Variants in SEMA5A observed in about 807,000 individuals in gnomAD.
SEMA5A encodes semaphorin 5A.
A neutral mutation model predicts 135.5 loss-of-function variants in SEMA5A; 55 were observed. The ratio of observed to expected loss-of-function variants is 0.41; its 90% confidence interval spans 0.33 to 0.51. The LOEUF is 0.51. Ranked by LOEUF, SEMA5A falls within the 20% of genes least tolerant of loss-of-function variation. The pLI is 0.37. For synonymous variants in SEMA5A, 580 were observed against 546.5 expected, an observed-to-expected ratio of 1.06 and a Z score of -0.85; for missense variants, 1,290 against 1,419.9, an observed-to-expected ratio of 0.91 and a Z score of 1.47.
intron 11 of SEMA5A, among the ~76,000 whole-genome samples, chr5:9,176,517 A>C (rs1744213721): frequency 6.6e-6 from 1 of 152,244 alleles, no homozygotes; most frequent in South Asian, 2.1e-4. Context: ...ATTGTGAGCT[A>C]ATAAGTGTAT....
chr5:9,262,601 A>G (rs1335357988), intron 5 of SEMA5A, among the ~76,000 whole-genome samples: 1 of 26,784 alleles, frequency 3.7e-5, no homozygotes, highest in South Asian at 1.3e-3. Flanking sequence ...TTGTAGGGAC[A>G]TGGATGAAAC....
chr5:9,148,572 T>C, intron 12 of SEMA5A, among the ~76,000 whole-genome samples: 1 of 152,232 alleles, frequency 6.6e-6, no homozygotes, highest in East Asian at 1.9e-4. Context: ...TTCCAGGTTC[T>C]GATGAGGTGT....
chr5:9,524,501 C>T (rs866965033), intron 1 of SEMA5A, among the ~76,000 whole-genome samples: 8 of 152,156 alleles, frequency 5.3e-5, no homozygotes, highest in African/African-American at 1.7e-4. Context: ...CCAGCAATTA[C>T]AGGAAGCTGA....
chr5:9,132,094 C>A (rs1270353690), intron 13 of SEMA5A, among the ~76,000 whole-genome samples: 1 of 152,186 alleles, frequency 6.6e-6, no homozygotes, highest in African/African-American at 2.4e-5. Flanking sequence ...ATTTTATAAG[C>A]AAACAGAACA....
At chr5:9,480,491 T>A (rs1401975757) in intron 1 of SEMA5A, among the ~76,000 whole-genome samples, 1 of 152,136 alleles carries the variant, frequency 6.6e-6, no homozygotes, top group Non-Finnish European at 1.5e-5. Context: ...CTGCAGGCAA[T>A]GAGACCCTAG....
chr5:9,093,807 C>T (rs531070260), intron 16 of SEMA5A, among the ~76,000 whole-genome samples: 14 of 152,304 alleles, frequency 9.2e-5, no homozygotes, highest in South Asian at 4.1e-4. Context: ...TGTCCCTTGC[C>T]GCATCCCTGT....
intron 1 of SEMA5A, among the ~76,000 whole-genome samples, chr5:9,508,036 A>T (rs1294360322): frequency 2.0e-5 from 3 of 151,986 alleles, no homozygotes; most frequent in Non-Finnish European, 4.4e-5. Flanking sequence ...AAAAAGAAAA[A>T]ACTTCAGAAA....
chr5:9,166,745 C>G (rs1743630201), intron 11 of SEMA5A, among the ~76,000 whole-genome samples: 1 of 152,188 alleles, frequency 6.6e-6, no homozygotes, highest in Non-Finnish European at 1.5e-5. Context: ...AACCATATTA[C>G]TTTTAAAACA....
At chr5:9,126,149 TG>T (rs1741099757) in intron 13 of SEMA5A, among the ~76,000 whole-genome samples, 1 of 152,150 alleles carries the variant, frequency 6.6e-6, no homozygotes, top group Non-Finnish European at 1.5e-5. Context: ...CTTTGCAGTG[TG>T]GGCCCAGTTA....
In SEMA5A at chr5:9,108,269, C is replaced by T. The variant is rs1327704043; in HGVS notation, c.1944G>A (p.Leu648=). Residue 648 remains leucine, a synonymous_variant, in exon 16 of 23, where the codon TTG becomes TTA. Transcript: ENST00000382496. Reference sequence around the variant, plus strand: ...TCCAGAACATGTGTGGGGGACATAGCAAATGTTCATTGCAGTATCTGTAAT... The same window carrying T: ...TCCAGAACATGTGTGGGGGACATAGTAAATGTTCATTGCAGTATCTGTAAT... ...NREERYCNEH[L]LCPPHMFWTG... The T allele has an allele frequency of 6.2e-7, 1 of 1,613,986 alleles. No homozygotes were observed. Among genetic ancestry groups the T allele is most frequent in the African/African-American group, 1.3e-5 (1 of 74,898 alleles).
At chr5:9,222,140 A>G (rs954035626) in intron 8 of SEMA5A, among the ~76,000 whole-genome samples, 12 of 152,208 alleles carry the variant, frequency 7.9e-5, no homozygotes, top group African/African-American at 2.9e-4. Context: ...AGACAAGGGC[A>G]TCTGGCAAAG....
At chr5:9,348,182 A>G (rs1753960307) in intron 3 of SEMA5A, among the ~76,000 whole-genome samples, 1 of 152,216 alleles carries the variant, frequency 6.6e-6, no homozygotes, top group Non-Finnish European at 1.5e-5. Context: ...CACAGGCTAG[A>G]GTTGCCTTCC....
chr5:9,071,027 A>G (rs1331279192), intron 16 of SEMA5A, among the ~76,000 whole-genome samples: 3 of 152,228 alleles, frequency 2.0e-5, no homozygotes, highest in South Asian at 2.1e-4. Flanking sequence ...AAAGAGATAA[A>G]TGATTTTAAA....
rs567749685 is a variant in SEMA5A, at chr5:9,391,900, C to T, written c.-77-11877G>A. Among the ~76,000 whole-genome samples the T allele has an allele frequency of 2.6e-5, 4 of 152,318 alleles. No homozygotes were observed. The East Asian group carries it at 7.7e-4, about 29-fold the overall frequency. On this transcript the variant is annotated intron_variant, in intron 2 of 22. Transcript: ENST00000382496. ...GATCCTGACCCCACCAACAAACCCT[C>T]CTCCATGGCCACCTCCCTATTTCTA... is the stretch of plus-strand genomic sequence containing the variant.
intron 3 of SEMA5A, among the ~76,000 whole-genome samples, chr5:9,378,271 G>A (rs948007974): frequency 6.6e-6 from 1 of 152,106 alleles, no homozygotes; most frequent in African/African-American, 2.4e-5. Context: ...TGCATAAGGT[G>A]TACCTTCAGG....
At chr5:9,454,321 G>A (rs1297826067) in intron 1 of SEMA5A, among the ~76,000 whole-genome samples, 1 of 152,160 alleles carries the variant, frequency 6.6e-6, no homozygotes, top group African/African-American at 2.4e-5. Context: ...GACTAAAGGG[G>A]TGATTACAAT....
At chr5:9,121,512 A>G (rs1271881726) in intron 14 of SEMA5A, among the ~76,000 whole-genome samples, 1 of 152,260 alleles carries the variant, frequency 6.6e-6, no homozygotes, top group Non-Finnish European at 1.5e-5. Flanking sequence ...TTCATTTGAT[A>G]ATCTTCTTTT....
At chr5:9,306,223 A>G (rs980860357) in intron 5 of SEMA5A, among the ~76,000 whole-genome samples, 1 of 152,196 alleles carries the variant, frequency 6.6e-6, no homozygotes, top group African/African-American at 2.4e-5. Flanking sequence ...TACCAGGCAC[A>G]TAGCTTCTGC....
chr5:9,238,757 AT>A (rs1409657587), intron 5 of SEMA5A, among the ~76,000 whole-genome samples: 1 of 150,992 alleles, frequency 6.6e-6, no homozygotes, highest in African/African-American at 2.4e-5. Flanking sequence ...GGGTAAAAAT[AT>A]TTTTTTCATT....
Sources: allele counts gnomAD v4.1 joint callset (sites outside exome capture counted in the v4.1 genomes callset), GRCh38; gene constraint gnomAD v4.1.1; transcripts MANE v1.5; gene names NCBI Gene and HGNC (gene_info 2026-07-23, HGNC 2026-07-21).